PATJ: variants seen among roughly 807,000 people sequenced by gnomAD.
The protein encoded by PATJ is PATJ crumbs cell polarity complex component, also known as inaD-like protein.
PATJ carries 190 observed loss-of-function variants against 224.9 expected under a neutral mutation model. That is an observed-to-expected ratio of 0.84 (90% CI 0.75 to 0.95). The LOEUF is 0.95. PATJ is among the 40% of genes least tolerant of loss of function. The probability of loss-of-function intolerance (pLI) is 0.00; values close to 1 mark genes in which losing one functional copy is unlikely to be tolerated. For missense variants in PATJ, 2,121 were observed against 2,270.3 expected, an observed-to-expected ratio of 0.93 and a Z score of 1.34; for synonymous variants, 769 against 820.3, an observed-to-expected ratio of 0.94 and a Z score of 1.07.
chr1:61,871,879 T>G (rs546872563), intron 20 of PATJ, among the ~76,000 whole-genome samples: 21 of 145,976 alleles, frequency 1.4e-4, no homozygotes, highest in Non-Finnish European at 3.2e-4. Context: ...TTTTTTTTTG[T>G]ATTTTTAGTA....
At chr1:62,017,799 ATACATATATAC>A in intron 28 of PATJ, 46 bp from the exon 29 acceptor site, 2 of 816,832 alleles carry the variant, frequency 2.4e-6, no homozygotes, top group South Asian at 3.3e-5. Context: ...TTCCAAGTAT[ATACATATATAC>A]TTGTAGACAT....
Position 61,854,400 on chromosome 1 carries a change from A to C in PATJ, c.2113-1630A>C, listed in dbSNP as rs1663315929. ...TTTTTTCTCTCCCTTGCTAAGTTAG[A>C]AGTTCAGTAATAGTGCCATACACCT... On this transcript the variant is annotated intron_variant, in intron 17 of 43. Transcript: ENST00000642238. 2.6e-5 allele frequency among the ~76,000 whole-genome samples: 4 copies of C among 152,292 alleles called. No individual in the cohort carries two copies. The South Asian group carries it at 8.3e-4, about 32-fold the overall frequency.
intron 17 of PATJ, among the ~76,000 whole-genome samples, chr1:61,843,245 T>G (rs1354215753): frequency 6.6e-6 from 1 of 152,174 alleles, no homozygotes; most frequent in African/African-American, 2.4e-5. Context: ...ATTACATTTA[T>G]CAGTACAGCA....
intron 14 of PATJ, among the ~76,000 whole-genome samples, chr1:61,813,806 A>G (rs993040528): frequency 1.3e-5 from 2 of 152,126 alleles, no homozygotes; most frequent in East Asian, 3.9e-4. Context: ...TTCGGAGGTA[A>G]TAACTGGCCT....
chr1:61,760,802 G>A (rs1343274185), intron 1 of PATJ, among the ~76,000 whole-genome samples: 1 of 151,700 alleles, frequency 6.6e-6, no homozygotes, highest in East Asian at 1.9e-4. Context: ...TATTAGAGAC[G>A]GGGTTTCTCT....
chr1:61,968,745 T>C (rs1041473096), intron 27 of PATJ, among the ~76,000 whole-genome samples: 3 of 151,998 alleles, frequency 2.0e-5, no homozygotes, highest in Non-Finnish European at 2.9e-5. Flanking sequence ...GTGTGTGATG[T>C]TCCCCACCCT....
rs1048825764 is a variant in PATJ, at chr1:62,018,731, T to G, written c.3959+784T>G. Among the ~76,000 whole-genome samples the G allele has an allele frequency of 1.1e-4, 17 of 152,162 alleles. No individual in the cohort carries two copies. The highest frequency in any genetic ancestry group is 4.1e-4 in the African/African-American group (17 of 41,450). On this transcript the variant is annotated intron_variant, in intron 29 of 43. Coordinates refer to ENST00000642238, the MANE Select transcript of PATJ (RefSeq NM_001350145.3). This position sits in a 1 kb window ranked among gnomAD's most constrained non-coding sequence, Gnocchi z 4.2. ...ATTGTGATATTTCAGAAATTGAAAATGCTCAATACAACATCTAGCATAGAG... is the reference window on the plus strand; with the variant it reads ...ATTGTGATATTTCAGAAATTGAAAAGGCTCAATACAACATCTAGCATAGAG...
intron 32 of PATJ, among the ~76,000 whole-genome samples, chr1:62,081,173 C>G (rs917989770): frequency 6.6e-6 from 1 of 152,068 alleles, no homozygotes. Flanking sequence ...TGGAGGTAGA[C>G]AAGTTGAGTT....
At chr1:61,962,254 A>T (rs1289618991) in intron 27 of PATJ, among the ~76,000 whole-genome samples, 1 of 152,184 alleles carries the variant, frequency 6.6e-6, no homozygotes, top group Admixed American at 6.5e-5. Flanking sequence ...TTAATTCAAC[A>T]TGTCTTGTTT....
At chr1:61,971,244 A>G (rs1056223800) in intron 27 of PATJ, among the ~76,000 whole-genome samples, 53 of 152,176 alleles carry the variant, frequency 3.5e-4, no homozygotes, top group Non-Finnish European at 5.4e-4. Flanking sequence ...TTGTCTCTCT[A>G]CACTCTACCA....
At chr1:62,072,234 G>A (rs193300871) in intron 31 of PATJ, among the ~76,000 whole-genome samples, 8 of 152,202 alleles carry the variant, frequency 5.3e-5, no homozygotes, top group Non-Finnish European at 1.0e-4. Context: ...GCACTCCTCC[G>A]TGGGGTTTAG....
intron 17 of PATJ, chr1:61,852,413 T>G (rs1477344968): frequency 3.3e-5 from 5 of 152,130 alleles, no homozygotes; most frequent in Non-Finnish European, 7.4e-5. Flanking sequence ...GATTTTACAA[T>G]TATGATGAAA....
intron 33 of PATJ, among the ~76,000 whole-genome samples, chr1:62,093,579 TA>T (rs1415615273): frequency 1.3e-5 from 2 of 152,162 alleles, no homozygotes; most frequent in Non-Finnish European, 2.9e-5. Flanking sequence ...AGTTTTATTT[TA>T]AAATCAAAGC....
At chr1:61,771,406 A>G (rs770001555) in intron 5 of PATJ, 25 bp from the exon 6 acceptor site, 1 of 1,493,574 alleles carries the variant, frequency 6.7e-7, no homozygotes, top group Admixed American at 2.3e-5. Context: ...ATCACTTAAA[A>G]AATTTCTTTT....
intron 24 of PATJ, among the ~76,000 whole-genome samples, chr1:61,904,609 G>A (rs1187834153): frequency 6.6e-6 from 1 of 152,202 alleles, no homozygotes; most frequent in African/African-American, 2.4e-5. Flanking sequence ...CAACTGCTAT[G>A]AAGAAATACC....
chr1:62,044,267 A>G (rs1292545933), intron 30 of PATJ, among the ~76,000 whole-genome samples: 1 of 152,122 alleles, frequency 6.6e-6, no homozygotes, highest in East Asian at 1.9e-4. Context: ...CATGTCTTCA[A>G]CCTTCACCCC....
intron 27 of PATJ, among the ~76,000 whole-genome samples, chr1:61,972,122 A>G (rs1683060735): frequency 6.6e-6 from 1 of 152,054 alleles, no homozygotes; most frequent in Non-Finnish European, 1.5e-5. Flanking sequence ...TGTATACCTA[A>G]TAAGCTATAT....
At chr1:61,820,406 A>G (rs1374550829) in intron 14 of PATJ, among the ~76,000 whole-genome samples, 1 of 152,004 alleles carries the variant, frequency 6.6e-6, no homozygotes, top group Admixed American at 6.6e-5. Context: ...GCAATGGCTC[A>G]GTCTCAGCTC....
chr1:61,813,230 T>C (rs1205145540), intron 14 of PATJ, among the ~76,000 whole-genome samples: 1 of 150,856 alleles, frequency 6.6e-6, no homozygotes, highest in African/African-American at 2.4e-5. Context: ...AAGAGTGTGA[T>C]TCTCTTTCTC....
Sources: gnomAD v4.1 joint callset for allele counts (sites outside exome capture counted in the v4.1 genomes callset) on GRCh38, gnomAD v4.1.1 for gene constraint, Gnocchi (gnomAD v3.1) non-coding constraint, MANE v1.5 for transcripts, NCBI Gene and HGNC (gene_info 2026-07-23, HGNC 2026-07-21) for gene names.